The following CMSS1 variants were observed in gnomAD, a reference collection of about 807,000 sequenced individuals.
CMSS1 encodes protein CMSS1.
Under a neutral mutation model 43.5 loss-of-function variants are expected in CMSS1, and 33 were observed. The ratio of observed to expected loss-of-function variants is 0.76; its 90% CI spans 0.57 to 1.01. CMSS1 has a LOEUF of 1.01. CMSS1 is among the 50% of genes least tolerant of loss of function. CMSS1 has a pLI of 0.00. For missense variants in CMSS1, 313 were observed against 326.4 expected (o/e 0.96, Z 0.32); for synonymous variants, 115 against 117.2 (o/e 0.98, Z 0.12).
chr3:100,124,551 A>C (rs1410474542), intron 1 of CMSS1, among the ~76,000 whole-genome samples: 1 of 152,194 alleles, frequency 6.6e-6, no homozygotes, highest in Non-Finnish European at 1.5e-5. Context: ...CAGCAGCCTC[A>C]TGTGATTAGG....
chr3:99,860,498 T>G lies in CMSS1; in HGVS notation c.64+42455T>G, dbSNP rs564032850. 2.6e-5 allele frequency among the ~76,000 whole-genome samples: 4 copies of G among 152,236 alleles called. No individual in the cohort carries two copies. In the East Asian group the frequency reaches 7.7e-4, roughly 29 times the overall value. ...AGAGCAGAAAAAGGAGCAAAGTAAC[T>G]GAGAAAAAGGGTCTCTGAAAGGTGA... is the stretch of plus-strand genomic sequence containing the variant. On this transcript the variant is annotated intron_variant, in intron 1 of 9. Transcript: ENST00000421999.
chr3:99,941,469 A>G (rs1707848676), intron 1 of CMSS1, among the ~76,000 whole-genome samples: 1 of 152,222 alleles, frequency 6.6e-6, no homozygotes, highest in African/African-American at 2.4e-5. Context: ...GGCCATATGT[A>G]TAGGTAGAAG....
At chr3:99,836,168 G>A (rs1020449197) in intron 1 of CMSS1, among the ~76,000 whole-genome samples, 2 of 152,182 alleles carry the variant, frequency 1.3e-5, no homozygotes, top group African/African-American at 4.8e-5. Context: ...AAGTGTAGTA[G>A]ATTAACTATC....
At chr3:100,160,842 A>T (rs2067017284) in intron 3 of CMSS1, among the ~76,000 whole-genome samples, 1 of 152,224 alleles carries the variant, frequency 6.6e-6, no homozygotes, top group South Asian at 2.1e-4. Context: ...CTGTCCATGA[A>T]AAGAAATATA....
chr3:99,998,844 C>G (rs1366308089), intron 1 of CMSS1, among the ~76,000 whole-genome samples: 1 of 152,240 alleles, frequency 6.6e-6, no homozygotes, highest in Non-Finnish European at 1.5e-5. Flanking sequence ...AATGGGATTA[C>G]AGGCGTGAGC....
chr3:100,046,270 A>G (rs1346963926), intron 1 of CMSS1, among the ~76,000 whole-genome samples: 1 of 152,164 alleles, frequency 6.6e-6, no homozygotes, highest in African/African-American at 2.4e-5. Context: ...AGTTGTGAAA[A>G]TTCCTAATTC....
chr3:99,863,112 A>G (rs985654173), intron 1 of CMSS1, among the ~76,000 whole-genome samples: 11 of 152,236 alleles, frequency 7.2e-5, no homozygotes, highest in Middle Eastern at 3.4e-3. Context: ...TTTTCCATGG[A>G]CATGGGAGAG....
At chr3:100,112,545 C>CA (rs2066509256) in intron 1 of CMSS1, among the ~76,000 whole-genome samples, 1 of 151,912 alleles carries the variant, frequency 6.6e-6, no homozygotes, top group Admixed American at 6.6e-5. Flanking sequence ...AAAGCTTAAG[C>CA]AAAAAAGACA....
At chr3:99,864,764 G>A (rs1944429465) in intron 1 of CMSS1, among the ~76,000 whole-genome samples, 1 of 151,976 alleles carries the variant, frequency 6.6e-6, no homozygotes, top group Admixed American at 6.6e-5. Flanking sequence ...GGCATGGTGT[G>A]CTTTTGTGCT....
At chr3:99,846,521 G>C (rs1023391486) in intron 1 of CMSS1, among the ~76,000 whole-genome samples, 9 of 152,158 alleles carry the variant, frequency 5.9e-5, no homozygotes, top group Non-Finnish European at 1.0e-4. Context: ...TAAACATTTA[G>C]ACCATCATGT....
chr3:99,889,284 C>T (rs890387831), intron 1 of CMSS1, among the ~76,000 whole-genome samples: 1 of 152,104 alleles, frequency 6.6e-6, no homozygotes, highest in African/African-American at 2.4e-5. Context: ...TAGATGCACA[C>T]AAATTCAAAC....
chr3:100,145,397 G>A (rs1484237324), intron 1 of CMSS1, among the ~76,000 whole-genome samples: 3 of 151,856 alleles, frequency 2.0e-5, no homozygotes, highest in East Asian at 3.9e-4. Flanking sequence ...GCAGTGAGCT[G>A]AGATCACACC....
chr3:99,842,822 G>A (rs1943194724), intron 1 of CMSS1, among the ~76,000 whole-genome samples: 2 of 152,188 alleles, frequency 1.3e-5, no homozygotes, highest in Admixed American at 1.3e-4. Flanking sequence ...AGATTTGTAA[G>A]TGCTCCCATG....
intron 1 of CMSS1, among the ~76,000 whole-genome samples, chr3:100,075,040 A>G (rs747889718): frequency 3.3e-5 from 5 of 150,318 alleles, no homozygotes; most frequent in Non-Finnish European, 7.4e-5. Context: ...TTGTTTGTAT[A>G]AAGCTATTTT....
intron 1 of CMSS1, among the ~76,000 whole-genome samples, chr3:99,952,971 T>G (rs1283324694): frequency 6.6e-6 from 1 of 152,188 alleles, no homozygotes; most frequent in African/African-American, 2.4e-5. Context: ...CTCATTGATT[T>G]GGTTTTTGTC....
chr3:99,923,764 A>C (rs1203718658), intron 1 of CMSS1, among the ~76,000 whole-genome samples: 2 of 152,226 alleles, frequency 1.3e-5, no homozygotes, highest in African/African-American at 4.8e-5. Flanking sequence ...TTGCTCCTTC[A>C]GGCCAACAGT....
chr3:99,892,161 T>C (rs921008748), intron 1 of CMSS1, among the ~76,000 whole-genome samples: 3 of 152,166 alleles, frequency 2.0e-5, no homozygotes, highest in African/African-American at 7.2e-5. Flanking sequence ...AAACTGTTCT[T>C]ATGTGAATGA....
Position 99,993,298 on chromosome 3 carries a change from GT to G in CMSS1, c.65-153672del, listed in dbSNP as rs1186257726. Among the ~76,000 whole-genome samples, 13 of 151,712 alleles carry G rather than the reference GT, an allele frequency of 8.6e-5. No homozygotes were observed. The East Asian group carries it at 2.5e-3, about 29-fold the overall frequency. ...TATGAGCATGGATGTTTTTTCATTTGTTTATGTCATCTACAACTTCTTTCAG... is the reference window on the plus strand; with the variant it reads ...TATGAGCATGGATGTTTTTTCATTTGTTATGTCATCTACAACTTCTTTCAG... On this transcript the variant is annotated intron_variant, in intron 1 of 9. Transcript: ENST00000421999.
intron 8 of CMSS1, among the ~76,000 whole-genome samples, chr3:100,175,318 C>G (rs2067140321): frequency 1.3e-5 from 2 of 152,106 alleles, no homozygotes; most frequent in Admixed American, 1.3e-4. Context: ...ATAATCCCGG[C>G]ACTTTGGGAT....
Sources: allele counts gnomAD v4.1 joint callset (sites outside exome capture counted in the v4.1 genomes callset), GRCh38; gene constraint gnomAD v4.1.1; transcripts MANE v1.5; gene names NCBI Gene and HGNC (gene_info 2026-07-23, HGNC 2026-07-21).